Variants in COL4A2 observed in about 807,000 individuals in gnomAD.
The protein encoded by COL4A2 is collagen alpha-2(IV) chain.
COL4A2 carries 99 observed loss-of-function variants against 200.2 expected under a neutral mutation model. The ratio of observed to expected loss-of-function variants is 0.49; its 90% CI spans 0.42 to 0.58. The LOEUF is 0.58. Ranked by LOEUF, COL4A2 falls within the 20% of genes least tolerant of loss-of-function variation. The probability of loss-of-function intolerance (pLI) is 0.00; values close to 1 mark genes in which losing one functional copy is unlikely to be tolerated. For missense variants in COL4A2, 1,950 were observed against 2,314.1 expected, an observed-to-expected ratio of 0.84 and a Z score of 3.23; for synonymous variants, 897 against 900.6, an observed-to-expected ratio of 1.00 and a Z score of 0.07.
chr13:110,511,827 G>A (rs2139564276), intron 47 of COL4A2, 107 bp from the exon 48 acceptor site: 1 of 1,542,328 alleles, frequency 6.5e-7, no homozygotes. Flanking sequence ...TGACACTCAT[G>A]GTTTGCTGTT....
At chr13:110,323,055 A>G (rs954259552) in intron 3 of COL4A2, among the ~76,000 whole-genome samples, 1 of 152,240 alleles carries the variant, frequency 6.6e-6, no homozygotes, top group Non-Finnish European at 1.5e-5. Context: ...CAACCAACCC[A>G]GCCTGGGCAC....
intron 19 of COL4A2, 50 bp from the exon 20 acceptor site, chr13:110,450,255 C>T (rs757939344): frequency 6.5e-6 from 10 of 1,548,236 alleles, no homozygotes; most frequent in South Asian, 2.3e-5. Context: ...ACAAAGGCAG[C>T]GGTGTGGTAT....
intron 3 of COL4A2, among the ~76,000 whole-genome samples, chr13:110,329,468 T>C (rs59333175): frequency 1.4e-4 from 22 of 152,318 alleles, no homozygotes; most frequent in African/African-American, 5.3e-4. Flanking sequence ...ATTCCCACCC[T>C]CTTCCCTCAC....
intron 11 of COL4A2, 85 bp from the exon 12 acceptor site, chr13:110,434,316 T>C: frequency 7.5e-7 from 1 of 1,332,452 alleles, no homozygotes; most frequent in Non-Finnish European, 1.1e-6. Context: ...AAATAGGCCT[T>C]GGGTTTCTTT....
intron 40 of COL4A2, among the ~76,000 whole-genome samples, chr13:110,498,949 G>A (rs890572645): frequency 6.6e-6 from 1 of 152,200 alleles, no homozygotes; most frequent in East Asian, 1.9e-4. Context: ...CTGCATGAAC[G>A]TCACAGTGGG....
intron 3 of COL4A2, among the ~76,000 whole-genome samples, chr13:110,345,438 T>C (rs1594159748): frequency 6.6e-6 from 1 of 152,292 alleles, no homozygotes; most frequent in East Asian, 1.9e-4. Flanking sequence ...CTGCTGTTCC[T>C]GGGAAGCAGT....
intron 18 of COL4A2, 58 bp from the exon 19 acceptor site, chr13:110,449,621 C>A: frequency 6.8e-7 from 1 of 1,476,012 alleles, no homozygotes; most frequent in African/African-American, 1.4e-5. Context: ...AAGTGAACGC[C>A]AGCTGCGATC....
At chr13:110,399,679 A>G (rs1324491825) in intron 4 of COL4A2, among the ~76,000 whole-genome samples, 2 of 152,150 alleles carry the variant, frequency 1.3e-5, no homozygotes, top group Non-Finnish European at 2.9e-5. Context: ...AAATTGTCTA[A>G]ATTTGGGGGG....
intron 4 of COL4A2, among the ~76,000 whole-genome samples, chr13:110,406,569 T>C (rs1291157947): frequency 6.6e-6 from 1 of 152,186 alleles, no homozygotes; most frequent in East Asian, 1.9e-4. Context: ...GGGGATGAGC[T>C]TCAAAAGTAA....
At chr13:110,448,214 G>C (rs1160425491) in intron 18 of COL4A2, among the ~76,000 whole-genome samples, 1 of 152,168 alleles carries the variant, frequency 6.6e-6, no homozygotes, top group Admixed American at 6.5e-5. Context: ...GAAATATGCT[G>C]TTTGAGATTT....
At chr13:110,436,019 A>G (rs1270063644) in intron 12 of COL4A2, 1 of 592,018 alleles carries the variant, frequency 1.7e-6, no homozygotes, top group Admixed American at 2.5e-5. Context: ...AAACAAATGC[A>G]GTCCAGAATT....
At chr13:110,338,662 A>G (rs1293146480) in intron 3 of COL4A2, among the ~76,000 whole-genome samples, 3 of 152,272 alleles carry the variant, frequency 2.0e-5, no homozygotes, top group Non-Finnish European at 4.4e-5. Flanking sequence ...CAATCCAGCC[A>G]TCTCTGCAGC....
At chr13:110,504,852 C>T (rs1883786853) in intron 45 of COL4A2, among the ~76,000 whole-genome samples, 1 of 152,068 alleles carries the variant, frequency 6.6e-6, no homozygotes, top group Admixed American at 6.5e-5. Context: ...GAGCGATCCG[C>T]CAGCCTTGGC....
At chr13:110,500,114 C>T (rs1883591048) in intron 40 of COL4A2, among the ~76,000 whole-genome samples, 1 of 152,194 alleles carries the variant, frequency 6.6e-6, no homozygotes, top group Admixed American at 6.5e-5. Flanking sequence ...AATCCTTTCC[C>T]CTGGGATGGA....
chr13:110,503,175 G>A lies in COL4A2; in HGVS notation c.3932G>A (p.Gly1311Asp). ...TCTGCTGCTCTTCCTGGAAGCAAAG[G>A]TGACACAGGGAACCCAGGAGCTCCA... ...PGSAALPGSK[G>D]DTGNPGAPGT... The change falls in exon 42 of 48, where the codon GGT (glycine) becomes GAT (aspartate). Residue 1311 changes from glycine to aspartate, a missense_variant. Gly to Asp is a moderately conservative substitution (Grantham distance 94, BLOSUM62 -1). Transcript: ENST00000360467. 6.2e-7 allele frequency: 1 copy of A among 1,614,014 alleles called. No individual in the cohort carries two copies. Among genetic ancestry groups the A allele is most frequent in the Non-Finnish European group, 8.5e-7 (1 of 1,180,000 alleles).
At chr13:110,386,403 G>A in intron 4 of COL4A2, among the ~76,000 whole-genome samples, 1 of 152,274 alleles carries the variant, frequency 6.6e-6, no homozygotes, top group East Asian at 1.9e-4. Context: ...CACAGTGCTG[G>A]AAAAGTAGGA....
At chr13:110,408,788 TAC>T (rs1270819524) in intron 4 of COL4A2, among the ~76,000 whole-genome samples, 3 of 127,092 alleles carry the variant, frequency 2.4e-5, no homozygotes, top group Admixed American at 1.7e-4. Flanking sequence ...ATGACACGCG[TAC>T]ACACACACGC....
intron 3 of COL4A2, among the ~76,000 whole-genome samples, chr13:110,321,029 G>T (rs571368218): frequency 6.6e-6 from 1 of 152,124 alleles, no homozygotes; most frequent in East Asian, 1.9e-4. Flanking sequence ...TAAAAACTAG[G>T]TAACTTTCCT....
chr13:110,506,731 C>T, intron 46 of COL4A2, 125 bp downstream of exon 46: 1 of 1,016,460 alleles, frequency 9.8e-7, no homozygotes, highest in Non-Finnish European at 1.4e-6. Context: ...CGGAAGGGTC[C>T]ATCTACATTC....
Sources: allele counts gnomAD v4.1 joint callset (sites outside exome capture counted in the v4.1 genomes callset), GRCh38; gene constraint gnomAD v4.1.1; transcripts MANE v1.5; gene names NCBI Gene and HGNC (gene_info 2026-07-23, HGNC 2026-07-21).